ENPP1: variants seen among roughly 807,000 people sequenced by gnomAD.
ENPP1 encodes the protein ectonucleotide pyrophosphatase/phosphodiesterase 1.
In ENPP1, 73 loss-of-function variants were observed where a neutral mutation model predicts 122.8. The ratio of observed to expected loss-of-function variants is 0.59; its 90% CI spans 0.49 to 0.72. The LOEUF is 0.72. Ranked by LOEUF, ENPP1 falls within the 30% of genes least tolerant of loss-of-function variation. The pLI is 0.00. For synonymous variants in ENPP1, 367 were observed against 391.6 expected (o/e 0.94, Z 0.74); for missense variants, 978 against 1,128.1 (o/e 0.87, Z 1.91).
intron 24 of ENPP1, among the ~76,000 whole-genome samples, chr6:131,887,767 G>T (rs1461503655): frequency 7.1e-6 from 1 of 140,850 alleles, no homozygotes; most frequent in Non-Finnish European, 1.5e-5. Flanking sequence ...GGGTTTCACC[G>T]TGTTAGCCAG....
chr6:131,845,163 G>C (rs566113837), intron 1 of ENPP1, among the ~76,000 whole-genome samples: 3 of 141,602 alleles, frequency 2.1e-5, no homozygotes, highest in African/African-American at 7.8e-5. Context: ...CTCCCAAGTA[G>C]CTGGGATTAC....
chr6:131,822,937 A>T (rs1781500281), intron 1 of ENPP1, among the ~76,000 whole-genome samples: 2 of 152,152 alleles, frequency 1.3e-5, no homozygotes, highest in African/African-American at 4.8e-5. Flanking sequence ...TTCTGCTCAG[A>T]ATTTTTCTGG....
intron 19 of ENPP1, 54 bp from the exon 20 acceptor site, chr6:131,879,826 T>C (rs1782278036): frequency 6.8e-7 from 1 of 1,474,942 alleles, no homozygotes; most frequent in Non-Finnish European, 9.5e-7. Context: ...TATCACACTA[T>C]ATATTATCAT....
chr6:131,843,659 C>CTTT (rs11442011), intron 1 of ENPP1, among the ~76,000 whole-genome samples: 4 of 140,632 alleles, frequency 2.8e-5, no homozygotes, highest in African/African-American at 7.8e-5. Context: ...GGCATGTCGT[C>CTTT]TTTTTTTTTT....
At chr6:131,842,069 G>C (rs966096299) in intron 1 of ENPP1, among the ~76,000 whole-genome samples, 18 of 152,022 alleles carry the variant, frequency 1.2e-4, no homozygotes, top group African/African-American at 3.6e-4. Context: ...CACTCTGCCT[G>C]CCTAGGTTCA....
rs190979063 is a variant in ENPP1, at chr6:131,841,287, C to T, written c.241-6489C>T. Among the ~76,000 whole-genome samples, 286 of 152,270 alleles carry T rather than the reference C, an allele frequency of 1.9e-3. 2 individuals carry two copies. Among genetic ancestry groups the T allele is most frequent in the African/African-American group, 6.0e-3 (251 of 41,548 alleles). ...ATCCCCATCCTCCAGCAAACGAAAT[C>T]CCGTGAAGACTCCCAGCACCAGGCT... On this transcript the variant is annotated intron_variant, in intron 1 of 24. Transcript: ENST00000647893.
chr6:131,844,360 C>A (rs1585810370), intron 1 of ENPP1, among the ~76,000 whole-genome samples: 1 of 152,226 alleles, frequency 6.6e-6, no homozygotes, highest in Non-Finnish European at 1.5e-5. Flanking sequence ...GCTAGCTCAT[C>A]AGTCCACAAA....
chr6:131,885,184 C>A, intron 23 of ENPP1, 121 bp downstream of exon 23: 2 of 841,142 alleles, frequency 2.4e-6, no homozygotes, highest in Non-Finnish European at 3.9e-6. Context: ...GTGTATGACA[C>A]TTCTGACTAC....
At position 131,871,854 on chromosome 6, in the gene ENPP1, A is replaced by T. The variant is rs7769058; in HGVS notation, c.1406-216A>T. 0.077 allele frequency among the ~76,000 whole-genome samples: 11,731 copies of T among 152,190 alleles called. 920 individuals carry two copies. Among genetic ancestry groups the T allele is most frequent in the African/African-American group, 0.2 (8,300 of 41,500 alleles). ...GTTCTGTAACTTGTCTTTCCCTTTAACAATATGACACTATATCATGGGTGT... is the reference window on the plus strand; with the variant it reads ...GTTCTGTAACTTGTCTTTCCCTTTATCAATATGACACTATATCATGGGTGT... On this transcript the variant is annotated intron_variant, in intron 13 of 24. Coordinates refer to ENST00000647893, the MANE Select transcript of ENPP1 (RefSeq NM_006208.3).
At chr6:131,841,325 C>G (rs1781736618) in intron 1 of ENPP1, among the ~76,000 whole-genome samples, 1 of 152,156 alleles carries the variant, frequency 6.6e-6, no homozygotes, top group Non-Finnish European at 1.5e-5. Flanking sequence ...TCTGAATCCT[C>G]ACAGTTCTTT....
At chr6:131,857,984 A>T (rs1585820931) in intron 6 of ENPP1, among the ~76,000 whole-genome samples, 3 of 152,294 alleles carry the variant, frequency 2.0e-5, no homozygotes, top group Admixed American at 2.0e-4. Flanking sequence ...TGTAGCCTGT[A>T]ATTCTGAACT....
chr6:131,880,013 A>T lies in ENPP1; in HGVS notation c.2079A>T (p.Thr693=), dbSNP rs768610723. 2 of 1,614,158 alleles carry T rather than the reference A, an allele frequency of 1.2e-6. No individual in the cohort carries two copies. The highest frequency in any genetic ancestry group is 1.7e-6 in the Non-Finnish European group (2 of 1,179,986). ...YSQDILMPLW[T]SYTVDRNDSF... The stretch of plus-strand genomic sequence containing the variant: ...AAGACATCTTAATGCCCCTTTGGAC[A>T]TCCTATACCGTGGACAGAAATGCAA... The change falls in exon 20 of 25, where the codon ACA becomes ACT. Residue 693 remains threonine (T), a synonymous_variant. Transcript: ENST00000647893.
chr6:131,889,467 A>T (rs1782434241), intron 24 of ENPP1, among the ~76,000 whole-genome samples: 1 of 150,618 alleles, frequency 6.6e-6, no homozygotes, highest in Non-Finnish European at 1.5e-5. Context: ...TCCCTCTTAT[A>T]ATTGAGAACA....
rs764173846 is a variant in ENPP1, at chr6:131,858,747, C to T, written c.795C>T (p.Thr265=). ...TCCCCAATCACTACAGCATTGTCAC[C>T]GTAAGCTCTGCATTTCAACTTCTAT... The part of the protein sequence containing the change: ...KTFPNHYSIV[T]GLYPESHGII... Residue 265 remains threonine, a splice_region_variant and synonymous_variant, in exon 7 of 25, where the codon ACC becomes ACT. Coordinates refer to ENST00000647893, the MANE Select transcript of ENPP1 (RefSeq NM_006208.3). 2.5e-6 allele frequency: 4 copies of T among 1,599,958 alleles called. No homozygotes were observed. Among genetic ancestry groups the T allele is most frequent in the African/African-American group, 1.3e-5 (1 of 74,618 alleles).
At chr6:131,872,886 G>T (rs538574564) in intron 14 of ENPP1, 37 bp from the exon 15 acceptor site, 45 of 1,608,872 alleles carry the variant, frequency 2.8e-5, no homozygotes, top group Middle Eastern at 3.3e-4. Flanking sequence ...TAGATATTAG[G>T]GAAATAATAG....
At chr6:131,828,168 C>T in intron 1 of ENPP1, 1 of 575,534 alleles carries the variant, frequency 1.7e-6, no homozygotes, top group Non-Finnish European at 3.4e-6. Flanking sequence ...AACTGATGTC[C>T]CGGGATTAGA....
At chr6:131,847,334 A>G (rs947495984) in intron 1 of ENPP1, among the ~76,000 whole-genome samples, 5 of 152,326 alleles carry the variant, frequency 3.3e-5, no homozygotes, top group Admixed American at 3.3e-4. Flanking sequence ...AATTACATTA[A>G]CATTGGATGG....
At chr6:131,880,365 C>T (rs779885297) in intron 20 of ENPP1, among the ~76,000 whole-genome samples, 2 of 152,012 alleles carry the variant, frequency 1.3e-5, no homozygotes, top group African/African-American at 2.4e-5. Flanking sequence ...AGATCGAGAC[C>T]ATCCTGGCTA....
intron 1 of ENPP1, among the ~76,000 whole-genome samples, chr6:131,821,470 G>T (rs1781483850): frequency 6.6e-6 from 1 of 152,178 alleles, no homozygotes; most frequent in Non-Finnish European, 1.5e-5. Context: ...ATGAACCTCA[G>T]TGGCACATGG....
Sources: allele counts gnomAD v4.1 joint callset (sites outside exome capture counted in the v4.1 genomes callset), GRCh38; gene constraint gnomAD v4.1.1; transcripts MANE v1.5; gene names NCBI Gene and HGNC (gene_info 2026-07-23, HGNC 2026-07-21).